DST: variants seen among roughly 807,000 people sequenced by gnomAD.
DST encodes the protein dystonin, also known as bullous pemphigoid antigen.
Under a neutral mutation model 875.2 loss-of-function variants are expected in DST, and 253 were observed. The observed-to-expected ratio is 0.29, with a 90% confidence interval of 0.26 to 0.32. The LOEUF (loss-of-function observed/expected upper bound fraction) is 0.32, where lower values mean the gene tolerates loss of function less well. Ranked by LOEUF, DST falls within the 10% of genes least tolerant of loss-of-function variation. The pLI is 1.00. For missense variants in DST, 8,287 were observed against 9,111.6 expected (o/e 0.91, Z 3.68); for synonymous variants, 3,124 against 3,197.1 (o/e 0.98, Z 0.77).
intron 4 of DST, among the ~76,000 whole-genome samples, chr6:56,760,730 T>C (rs1263629115): frequency 2.6e-5 from 4 of 152,252 alleles, no homozygotes; most frequent in Admixed American, 2.0e-4. Flanking sequence ...AAGGTAGCAT[T>C]TGCTGAGCAC....
intron 1 of DST, 75 bp from the exon 2 acceptor site, chr6:56,953,894 T>C: frequency 8.7e-7 from 1 of 1,144,848 alleles, no homozygotes; most frequent in Non-Finnish European, 1.2e-6. Context: ...ATGACTTACC[T>C]GGGAGACCAG....
intron 61 of DST, chr6:56,542,376 T>A (rs1026475364): frequency 3.5e-4 from 41 of 118,820 alleles, no homozygotes; most frequent in African/African-American, 1.3e-3. Flanking sequence ...GGCAGTACAA[T>A]CCAGCAACCG....
intron 9 of DST, among the ~76,000 whole-genome samples, chr6:56,688,272 T>C (rs1330544585): frequency 6.6e-6 from 1 of 152,226 alleles, no homozygotes; most frequent in Non-Finnish European, 1.5e-5. Context: ...GTCTTCAAGA[T>C]CTGTGGAGCA....
intron 3 of DST, chr6:56,871,628 C>T (rs1018852707): frequency 8.0e-6 from 6 of 753,982 alleles, no homozygotes; most frequent in African/African-American, 3.4e-5. Context: ...TCTGCCACAT[C>T]GAGATGATCC....
intron 4 of DST, among the ~76,000 whole-genome samples, chr6:56,788,849 T>C (rs1014168454): frequency 9.9e-5 from 15 of 152,238 alleles, no homozygotes; most frequent in African/African-American, 3.6e-4. Flanking sequence ...TGTTAAACTT[T>C]TGTAAGCATA....
At chr6:56,709,431 T>C (rs560934611) in intron 5 of DST, among the ~76,000 whole-genome samples, 1 of 152,300 alleles carries the variant, frequency 6.6e-6, no homozygotes, top group African/African-American at 2.4e-5. Context: ...TATAACTGTT[T>C]GGTTTTATAT....
At chr6:56,493,971 C>T in intron 83 of DST, 39 bp downstream of exon 83, 1 of 1,450,862 alleles carries the variant, frequency 6.9e-7, no homozygotes, top group Non-Finnish European at 9.1e-7. Context: ...CATGAAACAA[C>T]TAAAACACTG....
chr6:56,932,651 AAT>A (rs1259317064), intron 2 of DST, among the ~76,000 whole-genome samples: 1 of 152,092 alleles, frequency 6.6e-6, no homozygotes, highest in Non-Finnish European at 1.5e-5. Context: ...GCCAACATCA[AAT>A]ATTCAACAAA....
intron 36 of DST, chr6:56,624,259 G>A (rs1432025929): frequency 3.4e-6 from 2 of 594,744 alleles, no homozygotes; most frequent in Non-Finnish European, 5.9e-6. Flanking sequence ...ATTTATTTAA[G>A]ACATTAACCC....
At chr6:56,554,602 T>C (rs1174822383) in intron 60 of DST, among the ~76,000 whole-genome samples, 1 of 152,204 alleles carries the variant, frequency 6.6e-6, no homozygotes, top group Non-Finnish European at 1.5e-5. Flanking sequence ...ACCTATCACA[T>C]AACTGTTCAT....
intron 98 of DST, 41 bp from the exon 99 acceptor site, chr6:56,466,236 T>C (rs769136844): frequency 1.4e-6 from 2 of 1,398,858 alleles, no homozygotes; most frequent in Non-Finnish European, 1.9e-6. Flanking sequence ...TTGTCAATAA[T>C]AATTCTAAAC....
At chr6:56,653,174 T>G (rs1010819744) in intron 10 of DST, among the ~76,000 whole-genome samples, 1 of 152,164 alleles carries the variant, frequency 6.6e-6, no homozygotes, top group African/African-American at 2.4e-5. Context: ...GAATCAAGTT[T>G]TTCAGCTAAG....
chr6:56,808,044 A>T (rs2099755255), intron 4 of DST, among the ~76,000 whole-genome samples: 1 of 152,140 alleles, frequency 6.6e-6, no homozygotes, highest in South Asian at 2.1e-4. Flanking sequence ...AATTCTTTTC[A>T]CTATACGTTA....
chr6:56,727,430 C>T (rs1318668355), intron 5 of DST, among the ~76,000 whole-genome samples: 1 of 152,304 alleles, frequency 6.6e-6, no homozygotes, highest in South Asian at 2.1e-4. Flanking sequence ...TGTCACAGAA[C>T]ACACACACTT....
In DST at chr6:56,634,534, T is replaced by A; in HGVS notation, c.3422A>T (p.Asn1141Ile). Residue 1141 changes from asparagine (N) to isoleucine (I), a missense_variant, in exon 26 of 104, where the codon AAT (asparagine) becomes ATT (isoleucine). Transcript: ENST00000680361. The part of the protein sequence containing the change: ...AKWKVISPTG[N>I]EAMVPSVCFT... ...GCACACAGATGGGACCATAGCCTCA[T>A]TCCCAGTAGGACTAATGACCTTCCA... is the stretch of plus-strand genomic sequence containing the variant. The A allele has an allele frequency of 6.2e-7, 1 of 1,614,224 alleles. No homozygotes were observed. Among genetic ancestry groups the A allele is most frequent in the Non-Finnish European group, 8.5e-7 (1 of 1,180,030 alleles).
At chr6:56,663,380 T>C (rs1487255565) in intron 10 of DST, among the ~76,000 whole-genome samples, 1 of 152,270 alleles carries the variant, frequency 6.6e-6, no homozygotes, top group African/African-American at 2.4e-5. Context: ...TAACTACTTT[T>C]TAATTGATAA....
In DST at chr6:56,605,242, T is replaced by G; in HGVS notation, c.9386A>C (p.Lys3129Thr). The part of the protein sequence containing the change: ...EPNNLQIIVS[K>T]SPVQFENLEE... ...AAGATTCTCAAACTGAACAGGACTTTTACTAACTATTATTTGTAGATTATT... is the reference window on the plus strand; with the variant it reads ...AAGATTCTCAAACTGAACAGGACTTGTACTAACTATTATTTGTAGATTATT... Residue 3129 changes from lysine to threonine, a missense_variant, in exon 40 of 104, where the codon AAA (lysine) becomes ACA (threonine). Physicochemically the swap from Lys to Thr is moderately conservative, Grantham distance 78. This residue lies in a region of DST where 3,138 missense variants were observed against 3,116.6 expected (regional missense o/e 1.01). Coordinates refer to ENST00000680361, the MANE Select transcript of DST (RefSeq NM_001374736.1). The G allele has an allele frequency of 6.2e-7, 1 of 1,611,076 alleles. No homozygotes were observed. The highest frequency in any genetic ancestry group is 8.5e-7 in the Non-Finnish European group (1 of 1,178,306).
chr6:56,697,737 T>TG (rs2099271940), intron 9 of DST, among the ~76,000 whole-genome samples: 1 of 152,188 alleles, frequency 6.6e-6, no homozygotes, highest in Non-Finnish European at 1.5e-5. Context: ...CAGCTGGTGA[T>TG]GAAGTGATTG....
intron 2 of DST, among the ~76,000 whole-genome samples, chr6:56,925,608 C>T (rs1207369606): frequency 6.8e-6 from 1 of 146,534 alleles, no homozygotes; most frequent in Non-Finnish European, 1.5e-5. Context: ...TTCTAAATTC[C>T]TCTCTTTGTC....
Sources: allele counts gnomAD v4.1 joint callset (sites outside exome capture counted in the v4.1 genomes callset), GRCh38; gene constraint gnomAD v4.1.1; regional missense constraint gnomAD v4.1.1; transcripts MANE v1.5; gene names NCBI Gene and HGNC (gene_info 2026-07-23, HGNC 2026-07-21).